Variants in CSDC2 observed in about 807,000 individuals in gnomAD.
The protein encoded by CSDC2 is cold shock domain containing C2, also known as cold shock domain-containing protein C2.
Under a neutral mutation model 15.8 loss-of-function variants are expected in CSDC2, and 8 were observed. The ratio of observed to expected loss-of-function variants is 0.51; its 90% CI spans 0.30 to 0.92. The LOEUF (loss-of-function observed/expected upper bound fraction) is 0.92, where lower values mean the gene tolerates loss of function less well. Ranked by LOEUF, CSDC2 falls within the 40% of genes least tolerant of loss-of-function variation. The pLI is 0.07. For missense variants in CSDC2, 195 were observed against 213.3 expected (o/e 0.91, Z 0.53); for synonymous variants, 96 against 92.3 (o/e 1.04, Z -0.23).
chr22:41,571,714 T>C (rs2145600509), intron 1 of CSDC2, 129 bp from the exon 2 acceptor site: 2 of 369,018 alleles, frequency 5.4e-6, no homozygotes, highest in East Asian at 7.9e-5. Context: ...TGAACCACGA[T>C]GGGGTCGTTT....
intron 1 of CSDC2, among the ~76,000 whole-genome samples, chr22:41,561,634 GCAGA>G (rs988652068): frequency 1.1e-4 from 17 of 152,324 alleles, no homozygotes; most frequent in African/African-American, 3.4e-4. Context: ...GCTGGGAAAG[GCAGA>G]CAGTTGGACC....
intron 3 of CSDC2, 77 bp downstream of exon 3, chr22:41,573,854 C>A: frequency 6.6e-7 from 1 of 1,521,298 alleles, no homozygotes; most frequent in African/African-American, 1.4e-5. Flanking sequence ...GCTCTCCAGG[C>A]CTCTCCTCTC....
chr22:41,571,514 C>A (rs2067144935), intron 1 of CSDC2, among the ~76,000 whole-genome samples: 1 of 152,146 alleles, frequency 6.6e-6, no homozygotes, highest in South Asian at 2.1e-4. Flanking sequence ...TTGTAGGTGA[C>A]AAAGCTAAGG....
In CSDC2 at chr22:41,573,680, G is replaced by A. The variant is rs532211964; in HGVS notation, c.202G>A (p.Val68Met). The change falls in exon 3 of 4, where the codon GTG (valine) becomes ATG (methionine). Residue 68 changes from valine to methionine, a missense_variant. By Grantham distance (21) the Val-to-Met change is conservative (BLOSUM62 1). Transcript: ENST00000306149. The part of the protein sequence containing the change: ...SATARASAGP[V>M]FKGVCKQFSR... ...GACAGCCCGGGCCTCAGCTGGCCCC[G>A]TGTTCAAGGGCGTCTGTAAGCAGTT... 11 of 1,613,364 alleles carry A rather than the reference G, an allele frequency of 6.8e-6. No individual in the cohort carries two copies. Among genetic ancestry groups the A allele is most frequent in the Middle Eastern group, 1.7e-4 (1 of 6,058 alleles).
At chr22:41,570,034 C>T (rs1312552101) in intron 1 of CSDC2, among the ~76,000 whole-genome samples, 3 of 151,992 alleles carry the variant, frequency 2.0e-5, no homozygotes, top group Admixed American at 1.3e-4. Context: ...CCCACCTTGG[C>T]CTCCCAAAGT....
rs1965341807 is a variant in CSDC2, at chr22:41,575,185, G to A, written c.*290G>A. ...TCCCCTCCCTGCCGCAGACACGCAG[G>A]ACCCGCTCGCCCTCCTGCTTACCCG... On this transcript the variant is annotated 3_prime_UTR_variant, in exon 4 of 4. Transcript: ENST00000306149. 4.1e-6 allele frequency: 2 copies of A among 484,672 alleles called. No homozygotes were observed. Among genetic ancestry groups the A allele is most frequent in the South Asian group, 2.5e-5 (1 of 40,790 alleles). The allele number at this position is 484,672 out of a possible 1,614,324, so 30.0% of individuals were successfully genotyped here. A position where few individuals can be genotyped will look rare whatever the true frequency, so the allele number is the denominator to read the frequency against.
intron 1 of CSDC2, 99 bp from the exon 2 acceptor site, chr22:41,571,744 T>G: frequency 2.9e-5 from 11 of 379,196 alleles, no homozygotes; most frequent in Non-Finnish European, 3.3e-5. Context: ...AGTAACGCCG[T>G]GAGGATAGCA....
chr22:41,572,430 A>G (rs2067152053), intron 2 of CSDC2, among the ~76,000 whole-genome samples: 1 of 134,178 alleles, frequency 7.5e-6, no homozygotes, highest in African/African-American at 2.8e-5. Context: ...CCATCCATCC[A>G]TCCACCTGTC....
chr22:41,571,996 G>A lies in CSDC2; in HGVS notation c.31G>A (p.Val11Met), dbSNP rs761302387. 7.3e-7 allele frequency: 1 copy of A among 1,361,082 alleles called. No homozygotes were observed. Among genetic ancestry groups the A allele is most frequent in the East Asian group, 3.0e-5 (1 of 32,878 alleles). The allele number at this position is 1,361,082 out of a possible 1,614,324, so 84.3% of individuals were successfully genotyped here. MTSESTSPPV[V>M]PPLHSPKSPV... is the part of the protein sequence containing the mutation. ...TTCAGAGTCGACGTCACCCCCAGTT[G>A]TGCCCCCGCTCCACTCCCCCAAGTC... The change falls in exon 2 of 4, where the codon GTG becomes ATG. Residue 11 changes from valine to methionine, a missense_variant. By Grantham distance (21) the Val-to-Met change is conservative. Coordinates refer to ENST00000306149, the MANE Select transcript of CSDC2 (RefSeq NM_014460.4).
At chr22:41,572,762 G>A (rs1293801822) in intron 2 of CSDC2, among the ~76,000 whole-genome samples, 4 of 152,188 alleles carry the variant, frequency 2.6e-5, no homozygotes, top group South Asian at 2.1e-4. Context: ...CCCAAGACAC[G>A]GAGTTAACCT....
chr22:41,573,019 G>A (rs1433863669), intron 2 of CSDC2, among the ~76,000 whole-genome samples: 1 of 152,146 alleles, frequency 6.6e-6, no homozygotes, highest in Admixed American at 6.5e-5. Flanking sequence ...GGGACGACTG[G>A]TGCGTGCCAC....
At chr22:41,564,338 C>A (rs1301496814) in intron 1 of CSDC2, among the ~76,000 whole-genome samples, 1 of 151,942 alleles carries the variant, frequency 6.6e-6, no homozygotes, top group East Asian at 2.0e-4. Context: ...CGGCTCACTG[C>A]AAGCTCCGTC....
chr22:41,572,190 G>T, intron 2 of CSDC2, 49 bp downstream of exon 2: 1 of 1,257,652 alleles, frequency 8.0e-7, no homozygotes, highest in Non-Finnish European at 1.0e-6. Context: ...CAGGACAGGG[G>T]CTGACCATCC....
intron 1 of CSDC2, among the ~76,000 whole-genome samples, 161 bp downstream of exon 1, chr22:41,561,344 C>G (rs2067083712): frequency 6.6e-6 from 1 of 152,244 alleles, no homozygotes; most frequent in Non-Finnish European, 1.5e-5. Context: ...CTCTCCCTCC[C>G]TCATTCTCTC....
intron 2 of CSDC2, among the ~76,000 whole-genome samples, chr22:41,572,377 C>CA (rs2067150746): frequency 1.3e-5 from 1 of 77,764 alleles, no homozygotes; most frequent in Non-Finnish European, 2.6e-5. Context: ...CCCACCCACC[C>CA]ACCCACCCAC....
At chr22:41,569,554 A>G (rs2067134417) in intron 1 of CSDC2, among the ~76,000 whole-genome samples, 2 of 152,126 alleles carry the variant, frequency 1.3e-5, no homozygotes, top group Admixed American at 6.5e-5. Flanking sequence ...CCTTGCAAAC[A>G]TTCTCGCATA....
intron 2 of CSDC2, 37 bp downstream of exon 2, chr22:41,572,178 G>T: frequency 7.9e-7 from 1 of 1,273,566 alleles, no homozygotes; most frequent in Non-Finnish European, 1.0e-6. Flanking sequence ...CCTGACCCTT[G>T]TCAGGACAGG....
At chr22:41,561,515 G>C (rs1200439014) in intron 1 of CSDC2, among the ~76,000 whole-genome samples, 5 of 152,192 alleles carry the variant, frequency 3.3e-5, no homozygotes, top group Admixed American at 3.3e-4. Flanking sequence ...CGGGAGAGAG[G>C]ACCGCCTTGA....
intron 1 of CSDC2, among the ~76,000 whole-genome samples, chr22:41,565,996 G>T (rs542335319): frequency 6.6e-6 from 1 of 152,256 alleles, no homozygotes; most frequent in African/African-American, 2.4e-5. Context: ...GACAGATGAG[G>T]GATCTGAGGC....
Sources: gnomAD v4.1 joint callset for allele counts (sites outside exome capture counted in the v4.1 genomes callset) on GRCh38, gnomAD v4.1.1 for gene constraint, MANE v1.5 for transcripts, NCBI Gene and HGNC (gene_info 2026-07-23, HGNC 2026-07-21) for gene names.